Variants in ADGRV1 observed in about 807,000 individuals in gnomAD.
ADGRV1 encodes the protein G-protein coupled receptor 98.
A neutral mutation model predicts 596.2 loss-of-function variants in ADGRV1; 359 were observed. That is an observed-to-expected ratio of 0.60 (90% CI 0.55 to 0.66). ADGRV1 has a LOEUF of 0.66. ADGRV1 is among the 30% of genes least tolerant of loss of function. ADGRV1 has a pLI of 0.00. For missense variants in ADGRV1, 7,274 were observed against 7,575.6 expected, an observed-to-expected ratio of 0.96 and a Z score of 1.48; for synonymous variants, 2,681 against 2,679.2, an observed-to-expected ratio of 1.00 and a Z score of -0.02.
intron 82 of ADGRV1, among the ~76,000 whole-genome samples, chr5:90,859,742 C>T (rs2886811): frequency 0.021 from 3,228 of 151,938 alleles, 101 homozygotes; most frequent in African/African-American, 0.074. Context: ...GGTGACTGAG[C>T]CCTTGAAATA....
intron 9 of ADGRV1, among the ~76,000 whole-genome samples, chr5:90,632,391 T>C (rs557896499): frequency 3.9e-5 from 6 of 152,302 alleles, no homozygotes; most frequent in African/African-American, 1.2e-4. Context: ...TTTGTTATCA[T>C]TTGAGCTTTC....
intron 21 of ADGRV1, among the ~76,000 whole-genome samples, chr5:90,667,965 G>A (rs1422321270): frequency 2.0e-5 from 3 of 151,020 alleles, no homozygotes; most frequent in Non-Finnish European, 2.9e-5. Flanking sequence ...CAGTCTGCCC[G>A]TTCTCAGATC....
chr5:91,037,090 G>GT (rs1190039241), intron 85 of ADGRV1, among the ~76,000 whole-genome samples: 3 of 152,076 alleles, frequency 2.0e-5, no homozygotes, highest in African/African-American at 4.8e-5. Flanking sequence ...CTCCATGTTC[G>GT]TATCAGTTCT....
At chr5:90,981,660 G>A (rs1358733526) in intron 84 of ADGRV1, among the ~76,000 whole-genome samples, 2 of 152,310 alleles carry the variant, frequency 1.3e-5, no homozygotes, top group African/African-American at 4.8e-5. Flanking sequence ...TGAGCTGCCA[G>A]AATGGGCTCT....
Position 90,840,686 on chromosome 5 carries a change from A to G in ADGRV1, c.16720A>G (p.Ser5574Gly). Residue 5574 changes from serine to glycine, a missense_variant, in exon 78 of 90, where the codon AGC becomes GGC. Ser to Gly is a moderately conservative substitution (Grantham distance 56). Around this residue, in one of 5 missense-constraint regions of ADGRV1, gnomAD observed 1,874 missense variants for 1,970.2 expected, o/e 0.95. Transcript: ENST00000405460. Reference protein sequence around the residue: ...GTLVFEPGQRSTVLDVILTPE... With the variant: ...GTLVFEPGQRGTVLDVILTPE... ...ATTGGTCTTTGAACCTGGCCAGAGA[A>G]GCACTGTATTGGATGTCATCCTAAC... The G allele has an allele frequency of 6.2e-7, 1 of 1,614,008 alleles. No homozygotes were observed. The highest frequency in any genetic ancestry group is 8.5e-7 in the Non-Finnish European group (1 of 1,179,880).
Position 90,672,729 on chromosome 5 carries a change from C to G in ADGRV1, c.4929+7C>G. Reference sequence around the variant, plus strand: ...TCCTTGGCAGAGATCAGAGGTAAACCCTACCTTTTTTGTTCCTTTGAAAGC... The same window carrying G: ...TCCTTGGCAGAGATCAGAGGTAAACGCTACCTTTTTTGTTCCTTTGAAAGC... On this transcript the variant is annotated splice_region_variant and intron_variant, in intron 22 of 89. Transcript: ENST00000405460. The G allele has an allele frequency of 6.3e-7, 1 of 1,580,600 alleles. No homozygotes were observed. The highest frequency in any genetic ancestry group is 8.6e-7 in the Non-Finnish European group (1 of 1,161,738).
chr5:90,963,683 T>G (rs1271292275), intron 83 of ADGRV1, among the ~76,000 whole-genome samples: 1 of 151,804 alleles, frequency 6.6e-6, no homozygotes, highest in Non-Finnish European at 1.5e-5. Flanking sequence ...AAAGGGACTT[T>G]GGAGTTGATT....
chr5:90,605,632 T>TA (rs1762025398), intron 1 of ADGRV1, among the ~76,000 whole-genome samples: 1 of 152,168 alleles, frequency 6.6e-6, no homozygotes, highest in Non-Finnish European at 1.5e-5. Context: ...TTATTGTGTG[T>TA]AGGTACATTT....
intron 48 of ADGRV1, among the ~76,000 whole-genome samples, chr5:90,726,175 A>G (rs1345441098): frequency 6.6e-6 from 1 of 152,206 alleles, no homozygotes; most frequent in Non-Finnish European, 1.5e-5. Flanking sequence ...CCCAACACCA[A>G]ATTCAAAAAC....
intron 75 of ADGRV1, among the ~76,000 whole-genome samples, chr5:90,820,782 T>G (rs1481875676): frequency 2.0e-5 from 3 of 151,912 alleles, no homozygotes; most frequent in Non-Finnish European, 2.9e-5. Flanking sequence ...TGCCGAGAGA[T>G]CCGCTGTTAG....
At chr5:90,720,786 G>A (rs1750811979) in intron 44 of ADGRV1, 149 bp from the exon 45 acceptor site, 5 of 521,162 alleles carry the variant, frequency 9.6e-6, no homozygotes, top group Non-Finnish European at 1.5e-5. Flanking sequence ...AGTTACTGAA[G>A]TAACTGATTT....
At chr5:90,664,139 A>G (rs1186902233) in intron 21 of ADGRV1, among the ~76,000 whole-genome samples, 1 of 148,968 alleles carries the variant, frequency 6.7e-6, no homozygotes. Context: ...GTTTTTTCCA[A>G]TTCTGTGAAG....
intron 49 of ADGRV1, 88 bp downstream of exon 49, chr5:90,729,021 C>T: frequency 1.1e-6 from 1 of 947,660 alleles, no homozygotes; most frequent in Non-Finnish European, 1.5e-6. Context: ...AATGCTCTTG[C>T]AATAATTTTT....
At chr5:90,615,310 T>C (rs1057104372) in intron 2 of ADGRV1, among the ~76,000 whole-genome samples, 3 of 151,932 alleles carry the variant, frequency 2.0e-5, no homozygotes, top group Non-Finnish European at 4.4e-5. Context: ...ATTTGGATTG[T>C]AGCTATCTCT....
At chr5:90,590,691 G>A (rs1443598768) in intron 1 of ADGRV1, among the ~76,000 whole-genome samples, 1 of 152,182 alleles carries the variant, frequency 6.6e-6, no homozygotes, top group African/African-American at 2.4e-5. Flanking sequence ...CTCAAAGTGA[G>A]GAGCACTAAA....
chr5:90,691,604 C>T lies in ADGRV1; in HGVS notation c.6951+563C>T, dbSNP rs150749332. ...TTCACAGTGTTGGCTAGGCTGGTCT[C>T]GAACTCCTGACCTCAGGTGATCCAC... On this transcript the variant is annotated intron_variant, in intron 31 of 89. Coordinates refer to ENST00000405460, the MANE Select transcript of ADGRV1 (RefSeq NM_032119.4). 4.6e-5 allele frequency among the ~76,000 whole-genome samples: 7 copies of T among 151,942 alleles called. 1 individual carries two copies. Among genetic ancestry groups the T allele is most frequent in the East Asian group, 3.9e-4 (2 of 5,150 alleles).
chr5:91,005,623 T>G (rs2151123283), intron 85 of ADGRV1, among the ~76,000 whole-genome samples: 1 of 152,336 alleles, frequency 6.6e-6, no homozygotes, highest in African/African-American at 2.4e-5. Flanking sequence ...ATCCACAGTC[T>G]TGTTCCTCTA....
intron 2 of ADGRV1, among the ~76,000 whole-genome samples, chr5:90,616,268 C>T (rs542273437): frequency 2.0e-3 from 311 of 152,080 alleles, no homozygotes; most frequent in African/African-American, 7.1e-3. Context: ...ATTTTGAGCT[C>T]TTTCGTGAAA....
intron 21 of ADGRV1, among the ~76,000 whole-genome samples, chr5:90,664,035 G>A (rs961334494): frequency 2.2e-5 from 3 of 137,224 alleles, no homozygotes; most frequent in African/African-American, 8.5e-5. Context: ...ATAGTTTGAA[G>A]TCAGGTAGTG....
Sources: allele counts gnomAD v4.1 joint callset (sites outside exome capture counted in the v4.1 genomes callset), GRCh38; gene constraint gnomAD v4.1.1; regional missense constraint gnomAD v4.1.1; transcripts MANE v1.5; gene names NCBI Gene and HGNC (gene_info 2026-07-23, HGNC 2026-07-21).